Variants in NOL4L observed in about 807,000 individuals in gnomAD.
NOL4L encodes the protein nucleolar protein 4-like.
NOL4L carries 7 observed loss-of-function variants against 64.5 expected under a neutral mutation model. The ratio of observed to expected loss-of-function variants is 0.11; its 90% CI spans 0.06 to 0.20. The LOEUF (loss-of-function observed/expected upper bound fraction) is 0.20. Ranked by LOEUF, NOL4L falls within the 10% of genes least tolerant of loss-of-function variation. The probability of loss-of-function intolerance (pLI) is 1.00; values close to 1 mark genes in which losing one functional copy is unlikely to be tolerated. For synonymous variants in NOL4L, 413 were observed against 401.0 expected, an observed-to-expected ratio of 1.03 and a Z score of -0.36; for missense variants, 680 against 967.1, an observed-to-expected ratio of 0.70 and a Z score of 3.94.
chr20:32,559,947 C>T (rs899324862), intron 1 of NOL4L, among the ~76,000 whole-genome samples: 7 of 152,244 alleles, frequency 4.6e-5, no homozygotes, highest in Admixed American at 4.6e-4. Flanking sequence ...GGAGACCAAG[C>T]CTCCCTCTGC....
At chr20:32,534,809 G>T (rs2018460895) in intron 1 of NOL4L, among the ~76,000 whole-genome samples, 1 of 151,500 alleles carries the variant, frequency 6.6e-6, no homozygotes, top group Non-Finnish European at 1.5e-5. Flanking sequence ...TGAGCCTGGG[G>T]AGGTGTAGGC....
chr20:32,472,273 T>A (rs1031244235), intron 5 of NOL4L, among the ~76,000 whole-genome samples: 1 of 152,080 alleles, frequency 6.6e-6, no homozygotes. Flanking sequence ...CGCAACCGAG[T>A]CCCAGGGGCA....
chr20:32,555,963 G>A (rs769284472), intron 1 of NOL4L, among the ~76,000 whole-genome samples: 3 of 151,934 alleles, frequency 2.0e-5, no homozygotes, highest in Admixed American at 1.3e-4. Flanking sequence ...TTTCCTTCAC[G>A]GCGCCTCTCA....
intron 4 of NOL4L, among the ~76,000 whole-genome samples, chr20:32,478,806 G>A (rs561557045): frequency 4.3e-4 from 66 of 152,290 alleles, no homozygotes; most frequent in Middle Eastern, 3.4e-3. Context: ...GCCCAGGCTG[G>A]CCTCGAACTC....
chr20:32,480,064 A>G (rs2015622953), intron 4 of NOL4L, among the ~76,000 whole-genome samples: 4 of 152,196 alleles, frequency 2.6e-5, no homozygotes. Flanking sequence ...GCCTGTATCC[A>G]TGGCTTGTAA....
intron 4 of NOL4L, chr20:32,511,124 T>C (rs566159944): frequency 2.0e-5 from 8 of 409,150 alleles, no homozygotes; most frequent in Non-Finnish European, 3.5e-5. Flanking sequence ...GGGAAAGTTT[T>C]CTCCCTGAAG....
At chr20:32,541,644 C>T (rs1413856906) in intron 1 of NOL4L, among the ~76,000 whole-genome samples, 3 of 152,252 alleles carry the variant, frequency 2.0e-5, no homozygotes, top group Non-Finnish European at 4.4e-5. Context: ...CCCAGCTTCT[C>T]TCTGGGCCCC....
chr20:32,477,036 G>A (rs751339546), intron 4 of NOL4L, among the ~76,000 whole-genome samples: 2 of 152,172 alleles, frequency 1.3e-5, no homozygotes, highest in Non-Finnish European at 2.9e-5. Flanking sequence ...GGAGCCACAC[G>A]AAAAGTTCCC....
At chr20:32,465,393 G>A (rs1409323404) in intron 5 of NOL4L, among the ~76,000 whole-genome samples, 1 of 152,178 alleles carries the variant, frequency 6.6e-6, no homozygotes, top group East Asian at 1.9e-4. Context: ...TTGCCCATCT[G>A]TACTGTGGGA....
intron 4 of NOL4L, among the ~76,000 whole-genome samples, chr20:32,492,459 C>T (rs1184865953): frequency 6.6e-6 from 1 of 152,200 alleles, no homozygotes; most frequent in Non-Finnish European, 1.5e-5. Flanking sequence ...TAGGGTGGTG[C>T]TGATGTTTTG....
intron 3 of NOL4L, among the ~76,000 whole-genome samples, chr20:32,512,432 C>A (rs890113222): frequency 6.6e-6 from 1 of 152,162 alleles, no homozygotes; most frequent in African/African-American, 2.4e-5. Flanking sequence ...CTTCAGTAGC[C>A]CCCAAATTCT....
chr20:32,462,915 A>AAAAAAAAAAAAAAACAAC (rs1389511738), intron 5 of NOL4L, among the ~76,000 whole-genome samples: 5 of 150,380 alleles, frequency 3.3e-5, no homozygotes, highest in Non-Finnish European at 7.4e-5. Context: ...AAAAAAAAAA[A>AAAAAAAAAAAAAAACAAC]AAAAAAAACT....
At chr20:32,493,035 G>A (rs1220705042) in intron 4 of NOL4L, among the ~76,000 whole-genome samples, 1 of 152,212 alleles carries the variant, frequency 6.6e-6, no homozygotes, top group Non-Finnish European at 1.5e-5. Context: ...GATTTCCCTT[G>A]GGCCAAGACC....
intron 5 of NOL4L, among the ~76,000 whole-genome samples, chr20:32,470,972 C>T (rs1437845603): frequency 6.6e-6 from 1 of 152,248 alleles, no homozygotes; most frequent in Non-Finnish European, 1.5e-5. Context: ...GTGAGTGGTG[C>T]TCCCTGCCAA....
chr20:32,518,436 A>T (rs2017772585), intron 3 of NOL4L, among the ~76,000 whole-genome samples: 1 of 152,244 alleles, frequency 6.6e-6, no homozygotes, highest in African/African-American at 2.4e-5. Flanking sequence ...CCTCCTGGCC[A>T]CACAGAAGCC....
At chr20:32,579,865 G>A (rs1354968653) in intron 1 of NOL4L, among the ~76,000 whole-genome samples, 1 of 151,602 alleles carries the variant, frequency 6.6e-6, no homozygotes, top group Non-Finnish European at 1.5e-5. Flanking sequence ...TCTTCCAAAA[G>A]CCCCCCCAGG....
At chr20:32,542,361 A>C (rs1416572737) in intron 1 of NOL4L, among the ~76,000 whole-genome samples, 1 of 152,118 alleles carries the variant, frequency 6.6e-6, no homozygotes, top group African/African-American at 2.4e-5. Context: ...CTTTTTAAAA[A>C]AATTTTTTTT....
chr20:32,469,370 T>C (rs75760225), intron 5 of NOL4L, among the ~76,000 whole-genome samples: 11 of 147,356 alleles, frequency 7.5e-5, no homozygotes, highest in African/African-American at 2.6e-4. Flanking sequence ...TATTTTTTTT[T>C]CTTTTTTTTC....
chr20:32,517,147 T>TC (rs1555802178), intron 3 of NOL4L, among the ~76,000 whole-genome samples: 6 of 151,890 alleles, frequency 4.0e-5, no homozygotes, highest in Non-Finnish European at 8.8e-5. Context: ...GCTGTCCAGG[T>TC]CCCCCCCACT....
Sources: allele counts gnomAD v4.1 joint callset (sites outside exome capture counted in the v4.1 genomes callset), GRCh38; gene constraint gnomAD v4.1.1; transcripts MANE v1.5; gene names NCBI Gene and HGNC (gene_info 2026-07-23, HGNC 2026-07-21).